The following PDE6A variants were observed in gnomAD, a reference collection of about 807,000 sequenced individuals.
PDE6A encodes the protein phosphodiesterase 6A.
Under a neutral mutation model 106.3 loss-of-function variants are expected in PDE6A, and 84 were observed. That is an observed-to-expected ratio of 0.79 (90% CI 0.66 to 0.95). The LOEUF (loss-of-function observed/expected upper bound fraction) is 0.95, where lower values mean the gene tolerates loss of function less well. PDE6A is among the 40% of genes least tolerant of loss of function. The pLI, the probability that PDE6A is intolerant of heterozygous loss-of-function variation, is 0.00. For synonymous variants in PDE6A, 394 were observed against 386.6 expected (o/e 1.02, Z -0.23); for missense variants, 1,052 against 1,084.9 (o/e 0.97, Z 0.43).
chr5:149,883,798 A>G (rs767205466), intron 16 of PDE6A, among the ~76,000 whole-genome samples: 10 of 152,180 alleles, frequency 6.6e-5, no homozygotes, highest in Non-Finnish European at 1.0e-4. Flanking sequence ...TCTAACTCAC[A>G]GGCTTGTAGC....
intron 4 of PDE6A, among the ~76,000 whole-genome samples, chr5:149,928,231 A>ATATATATATTT: frequency 5.1e-5 from 1 of 19,746 alleles, no homozygotes; most frequent in Non-Finnish European, 8.3e-5. Context: ...ATATATATAT[A>ATATATATATTT]TTTTTTTTTT....
intron 14 of PDE6A, 120 bp from the exon 15 acceptor site, chr5:149,884,987 C>T (rs1035169848): frequency 2.7e-5 from 22 of 807,162 alleles, no homozygotes; most frequent in African/African-American, 6.7e-5. Context: ...ACTTTTGGGT[C>T]GTGAACTCAT....
At chr5:149,866,357 C>G in intron 19 of PDE6A, 104 bp from the exon 20 acceptor site, 1 of 835,770 alleles carries the variant, frequency 1.2e-6, no homozygotes. Context: ...ATCATGTTTC[C>G]AGACCTGATG....
intron 6 of PDE6A, among the ~76,000 whole-genome samples, chr5:149,913,651 G>T (rs1753459287): frequency 6.6e-6 from 1 of 152,092 alleles, no homozygotes; most frequent in Non-Finnish European, 1.5e-5. Flanking sequence ...AAATTGCTGT[G>T]GGGGCTAAGA....
chr5:149,898,008 T>C (rs1752822449), intron 10 of PDE6A, among the ~76,000 whole-genome samples: 2 of 152,162 alleles, frequency 1.3e-5, no homozygotes, highest in Admixed American at 1.3e-4. Flanking sequence ...GTTGACTCTG[T>C]CTCCAGTAGC....
At position 149,863,143 on chromosome 5, in the gene PDE6A, G is replaced by A. The variant is rs367907782; in HGVS notation, c.2482C>T (p.Gln828Ter). Residue 828 changes from glutamine to a stop codon, truncating the protein, a stop_gained, in exon 21 of 22, where the codon CAG becomes TAG. Coordinates refer to ENST00000255266, the MANE Select transcript of PDE6A (RefSeq NM_000440.3). LOFTEE classifies it low-confidence loss of function (END_TRUNC). The surrounding 1 kb of genome is among the most constrained non-coding windows in gnomAD (Gnocchi z 4.7). ...AKMKVQEEKK[Q>*]KQQSAKSAAA... Reference sequence around the variant, plus strand: ...CCTGACTTGGCCGACTGCTGTTTCTGCTTCTTCTCCTCCTGCACCTTCATC... The same window carrying A: ...CCTGACTTGGCCGACTGCTGTTTCTACTTCTTCTCCTCCTGCACCTTCATC... 3 of 1,614,084 alleles carry A rather than the reference G, an allele frequency of 1.9e-6. No individual in the cohort carries two copies. In the African/African-American group the frequency reaches 4.0e-5, roughly 22 times the overall value.
chr5:149,867,414 G>C, intron 19 of PDE6A: 1 of 479,742 alleles, frequency 2.1e-6, no homozygotes, highest in Non-Finnish European at 3.8e-6. Context: ...CAACCTCTAG[G>C]GTTGAGTGAG....
intron 4 of PDE6A, among the ~76,000 whole-genome samples, chr5:149,923,828 A>G (rs1267356594): frequency 6.6e-6 from 1 of 152,192 alleles, no homozygotes; most frequent in African/African-American, 2.4e-5. Context: ...GTTACTATAC[A>G]GGGACAAACC....
intron 1 of PDE6A, among the ~76,000 whole-genome samples, chr5:149,943,072 C>G (rs2113671694): frequency 6.6e-6 from 1 of 152,180 alleles, no homozygotes; most frequent in Non-Finnish European, 1.5e-5. Context: ...ATGGTCAGGT[C>G]TTTCCCTTCC....
intron 5 of PDE6A, among the ~76,000 whole-genome samples, chr5:149,920,980 A>AAGAAAGAAAGAG (rs1753699013): frequency 7.5e-6 from 1 of 133,312 alleles, no homozygotes; most frequent in Middle Eastern, 3.5e-3. Context: ...GAAAGAAAGA[A>AAGAAAGAAAGAG]AGAAAGAAAG....
chr5:149,918,243 A>G (rs906507612), intron 5 of PDE6A, among the ~76,000 whole-genome samples: 4 of 152,216 alleles, frequency 2.6e-5, no homozygotes, highest in African/African-American at 9.6e-5. Flanking sequence ...GAGATGATGT[A>G]AGGTCTCTTA....
intron 17 of PDE6A, among the ~76,000 whole-genome samples, chr5:149,875,663 AT>A (rs1340096375): frequency 6.6e-6 from 1 of 151,672 alleles, no homozygotes; most frequent in Non-Finnish European, 1.5e-5. Flanking sequence ...GGAAATTTTT[AT>A]TTTTTATAGA....
At chr5:149,907,226 T>C in intron 7 of PDE6A, 86 bp downstream of exon 7, 1 of 1,061,650 alleles carries the variant, frequency 9.4e-7, no homozygotes, top group Non-Finnish European at 1.5e-6. Context: ...GCCATCATCT[T>C]TTCCACTCTC....
intron 9 of PDE6A, 38 bp from the exon 10 acceptor site, chr5:149,898,544 C>T (rs1450181572): frequency 1.3e-6 from 2 of 1,599,716 alleles, no homozygotes; most frequent in East Asian, 4.5e-5. Flanking sequence ...AGACAGAACA[C>T]CTAAGTTTAA....
At chr5:149,895,714 T>A (rs1752719905) in intron 12 of PDE6A, among the ~76,000 whole-genome samples, 1 of 152,076 alleles carries the variant, frequency 6.6e-6, no homozygotes, top group Non-Finnish European at 1.5e-5. Context: ...CTTGGAGGAC[T>A]TGTTAAAACA....
chr5:149,928,151 ATAGTTTTC>A (rs1179847460), intron 4 of PDE6A, among the ~76,000 whole-genome samples: 2 of 144,276 alleles, frequency 1.4e-5, no homozygotes, highest in Non-Finnish European at 3.0e-5. Flanking sequence ...AACCAGTAAC[ATAGTTTTC>A]TAGTTTTCTA....
chr5:149,926,196 C>T (rs777039917), intron 4 of PDE6A, among the ~76,000 whole-genome samples: 1 of 151,740 alleles, frequency 6.6e-6, no homozygotes, highest in African/African-American at 2.4e-5. Flanking sequence ...GAGCCAAAAT[C>T]GCACCACTGC....
intron 17 of PDE6A, among the ~76,000 whole-genome samples, chr5:149,871,108 C>T (rs1223703728): frequency 6.6e-6 from 1 of 152,106 alleles, no homozygotes; most frequent in East Asian, 1.9e-4. Context: ...TATGTGGAAG[C>T]CCTAACCTTT....
chr5:149,881,202 A>T (rs1441999696), intron 17 of PDE6A, among the ~76,000 whole-genome samples: 1 of 152,238 alleles, frequency 6.6e-6, no homozygotes, highest in Non-Finnish European at 1.5e-5. Context: ...TTCCTCAAAG[A>T]ACTTCAAGTA....
Sources: allele counts gnomAD v4.1 joint callset (sites outside exome capture counted in the v4.1 genomes callset), GRCh38; gene constraint gnomAD v4.1.1; non-coding constraint Gnocchi (gnomAD v3.1); transcripts MANE v1.5; gene names NCBI Gene and HGNC (gene_info 2026-07-23, HGNC 2026-07-21).